Variants in XKR9 observed in about 807,000 individuals in gnomAD.
The protein encoded by XKR9 is XK related 9.
Under a neutral mutation model 32.0 loss-of-function variants are expected in XKR9, and 32 were observed. The ratio of observed to expected loss-of-function variants is 1.00; its 90% CI spans 0.76 to 1.34. The LOEUF (loss-of-function observed/expected upper bound fraction) is 1.34, where lower values mean the gene tolerates loss of function less well. Among genes scored for constraint, XKR9 ranks in the 40% most tolerant of loss-of-function variants. The probability of loss-of-function intolerance (pLI) is 0.00; values close to 1 mark genes in which losing one functional copy is unlikely to be tolerated. For synonymous variants in XKR9, 168 were observed against 143.4 expected (o/e 1.17, Z -1.22); for missense variants, 546 against 429.7 (o/e 1.27, Z -2.39).
intron 2 of XKR9, among the ~76,000 whole-genome samples, chr8:70,768,101 A>T (rs113797024): frequency 2.4e-4 from 36 of 152,314 alleles, no homozygotes; most frequent in African/African-American, 8.4e-4. Flanking sequence ...GCTGTGTCCC[A>T]GAGATTCTGG....
chr8:70,800,217 G>A, the XKR9 span, among the ~76,000 whole-genome samples: 198 of 152,272 alleles, frequency 1.3e-3, no homozygotes, highest in African/African-American at 4.3e-3. Context: ...AAGCCTACTT[G>A]AGCATCATTA....
chr8:70,865,198 G>A, the XKR9 span, among the ~76,000 whole-genome samples: 1 of 151,900 alleles, frequency 6.6e-6, no homozygotes, highest in Non-Finnish European at 1.5e-5. Context: ...TTTCCCTAAG[G>A]AAGAATTTGT....
the XKR9 span, among the ~76,000 whole-genome samples, chr8:71,048,206 G>A: frequency 5.6e-4 from 85 of 152,224 alleles, no homozygotes; most frequent in Admixed American, 2.6e-3. Flanking sequence ...GTTGCTGTTT[G>A]ACTTTTCTTT....
chr8:70,749,292 G>A lies in XKR9; in HGVS notation n.353-40047G>A, dbSNP rs1042296215. On this transcript the variant is annotated intron_variant and non_coding_transcript_variant, in intron 2 of 3. Transcript: ENST00000520273. ...CAAACGGGGCTGAAACATGCTCCAT[G>A]CCTGCCACATTGTGGGTGACGAGAA... is the stretch of plus-strand genomic sequence containing the variant. Among the ~76,000 whole-genome samples the A allele has an allele frequency of 3.4e-4, 51 of 151,738 alleles. 1 individual carries two copies. Among genetic ancestry groups the A allele is most frequent in the Non-Finnish European group, 2.5e-4 (17 of 67,938 alleles).
At chr8:70,930,008 T>C in the XKR9 span, among the ~76,000 whole-genome samples, 1 of 152,176 alleles carries the variant, frequency 6.6e-6, no homozygotes, top group African/African-American at 2.4e-5. Context: ...AATGCTAATT[T>C]TGACCAGGTT....
chr8:70,745,425 A>G (rs894293983), intron 2 of XKR9, among the ~76,000 whole-genome samples: 1 of 152,214 alleles, frequency 6.6e-6, no homozygotes, highest in Non-Finnish European at 1.5e-5. Context: ...ATGCACCTAT[A>G]TACATTCACA....
chr8:70,740,932 A>T (rs565968871), downstream of XKR9, among the ~76,000 whole-genome samples: 1 of 152,300 alleles, frequency 6.6e-6, no homozygotes, highest in East Asian at 1.9e-4. Context: ...GACCCACTTG[A>T]GGAGGCAGTC....
chr8:71,030,085 T>C, the XKR9 span, among the ~76,000 whole-genome samples: 2 of 152,112 alleles, frequency 1.3e-5, no homozygotes, highest in Admixed American at 6.6e-5. Context: ...AAGCCAGGAA[T>C]CCCTCTACAT....
chr8:70,674,904 G>T lies in XKR9; in HGVS notation c.-279+5G>T, dbSNP rs552482591. ...ATGGCTTTTTATATTTGACAAGTAA[G>T]TCTATGTTTTATATGTGTTATATTT... On this transcript the variant is annotated splice_donor_5th_base_variant and intron_variant, in intron 2 of 4. Transcript: ENST00000408926. 1 of 152,300 alleles carries T rather than the reference G, an allele frequency of 6.6e-6. No homozygotes were observed. Among genetic ancestry groups the T allele is most frequent in the South Asian group, 2.1e-4 (1 of 4,826 alleles). 9.4% of individuals were successfully genotyped at this position (152,300 alleles called of 1,614,324 possible). A position where few individuals can be genotyped will look rare whatever the true frequency, so the allele number is the denominator to read the frequency against.
intron 3 of XKR9, among the ~76,000 whole-genome samples, chr8:70,685,718 A>G (rs13257292): frequency 1.5e-4 from 16 of 109,852 alleles, no homozygotes; most frequent in African/African-American, 5.6e-4. Flanking sequence ...GGAACATCAC[A>G]CTCTGGGGAC....
chr8:71,042,752 T>A, the XKR9 span, among the ~76,000 whole-genome samples: 5 of 152,214 alleles, frequency 3.3e-5, no homozygotes, highest in African/African-American at 1.2e-4. Flanking sequence ...AGTGACTGTA[T>A]GGATAACCTC....
At chr8:70,851,678 G>A in the XKR9 span, among the ~76,000 whole-genome samples, 1 of 152,178 alleles carries the variant, frequency 6.6e-6, no homozygotes, top group African/African-American at 2.4e-5. Context: ...AACAAGAAAT[G>A]AGGAAAGGAT....
the XKR9 span, among the ~76,000 whole-genome samples, chr8:70,955,099 A>T: frequency 6.6e-6 from 1 of 152,244 alleles, no homozygotes; most frequent in Non-Finnish European, 1.5e-5. Context: ...CTTCTGTTTC[A>T]ATTCCAACTT....
In XKR9 at chr8:70,759,135, T is replaced by G. The variant is rs529399487; in HGVS notation, n.353-30204T>G. On this transcript the variant is annotated intron_variant and non_coding_transcript_variant, in intron 2 of 3. Transcript: ENST00000520273. ...CAAAAGTCTTCAGAGTAAAAAGTCT[T>G]TCCAGTTTTTCATCAAAAATGGGTT... Among the ~76,000 whole-genome samples the G allele has an allele frequency of 3.3e-5, 5 of 152,360 alleles. No homozygotes were observed. In the East Asian group the frequency reaches 9.6e-4, roughly 29 times the overall value.
At chr8:70,907,886 A>T in the XKR9 span, among the ~76,000 whole-genome samples, 1 of 152,246 alleles carries the variant, frequency 6.6e-6, no homozygotes, top group African/African-American at 2.4e-5. Flanking sequence ...TCAAAATAGA[A>T]AGTTATAAAA....
At chr8:70,801,891 A>G in the XKR9 span, among the ~76,000 whole-genome samples, 2 of 151,538 alleles carry the variant, frequency 1.3e-5, no homozygotes, top group African/African-American at 4.8e-5. Context: ...TTCTTATTGA[A>G]TTGAACTGTT....
At chr8:71,002,368 G>A in the XKR9 span, among the ~76,000 whole-genome samples, 1 of 151,202 alleles carries the variant, frequency 6.6e-6, no homozygotes, top group African/African-American at 2.4e-5. Context: ...AGCCGTGGTA[G>A]GTTTTTGTTT....
chr8:70,876,219 T>C, the XKR9 span, among the ~76,000 whole-genome samples: 3 of 24,568 alleles, frequency 1.2e-4, no homozygotes, highest in African/African-American at 1.5e-3. Context: ...AGATTCGTTC[T>C]TTTTTTTTTT....
the XKR9 span, among the ~76,000 whole-genome samples, chr8:71,013,182 A>G: frequency 2.0e-5 from 3 of 152,276 alleles, no homozygotes; most frequent in East Asian, 3.9e-4. Context: ...GCAGGAGGAC[A>G]TTGCCATTTG....
Sources: gnomAD v4.1 joint callset for allele counts (sites outside exome capture counted in the v4.1 genomes callset) on GRCh38, gnomAD v4.1.1 for gene constraint, MANE v1.5 for transcripts, NCBI Gene and HGNC (gene_info 2026-07-23, HGNC 2026-07-21) for gene names.